The following SLC7A2 variants were observed in gnomAD, a reference collection of about 807,000 sequenced individuals.
The protein encoded by SLC7A2 is cationic amino acid transporter 2.
Under a neutral mutation model 58.9 loss-of-function variants are expected in SLC7A2, and 48 were observed. The ratio of observed to expected loss-of-function variants is 0.82; its 90% CI spans 0.65 to 1.04. SLC7A2 has a LOEUF of 1.04. SLC7A2 is among the 50% of genes least tolerant of loss of function. The probability of loss-of-function intolerance (pLI) is 0.00; values close to 1 mark genes in which losing one functional copy is unlikely to be tolerated. For synonymous variants in SLC7A2, 363 were observed against 314.5 expected (o/e 1.15, Z -1.63); for missense variants, 1,029 against 818.8 (o/e 1.26, Z -3.13).
intron 2 of SLC7A2, among the ~76,000 whole-genome samples, chr8:17,541,790 C>T (rs538227489): frequency 1.8e-4 from 28 of 151,994 alleles, no homozygotes; most frequent in Non-Finnish European, 3.7e-4. Flanking sequence ...CAGAGAAGAA[C>T]CCACCATCTA....
chr8:17,542,235 G>A (rs182489754), intron 2 of SLC7A2, among the ~76,000 whole-genome samples: 1 of 152,274 alleles, frequency 6.6e-6, no homozygotes, highest in East Asian at 1.9e-4. Flanking sequence ...TGTAGAATAC[G>A]TAATGATTAA....
At chr8:17,512,066 C>G (rs893669904) in intron 2 of SLC7A2, among the ~76,000 whole-genome samples, 2 of 152,176 alleles carry the variant, frequency 1.3e-5, no homozygotes, top group Non-Finnish European at 2.9e-5. Context: ...TTCTGGAGCA[C>G]AGAACTTCTC....
At chr8:17,562,283 G>A (rs1278718035) in intron 11 of SLC7A2, among the ~76,000 whole-genome samples, 173 bp downstream of exon 11, 1 of 138,674 alleles carries the variant, frequency 7.2e-6, no homozygotes, top group Non-Finnish European at 1.5e-5. Flanking sequence ...TTGGCTCACT[G>A]CAACTTTTGC....
At chr8:17,543,836 T>G (rs1202109060) in intron 3 of SLC7A2, 121 bp downstream of exon 3, 1 of 872,622 alleles carries the variant, frequency 1.1e-6, no homozygotes, top group African/African-American at 1.8e-5. Flanking sequence ...GTCTCATTTT[T>G]GTCATCTCGA....
rs1802393552 is a variant in SLC7A2 at position 17,550,432 on chromosome 8, C to T, written c.830C>T (p.Thr277Ile). The T allele has an allele frequency of 6.2e-7, 1 of 1,612,900 alleles. No homozygotes were observed. Among genetic ancestry groups the T allele is most frequent in the Non-Finnish European group, 8.5e-7 (1 of 1,179,460 alleles). The change falls in exon 6 of 13, where the codon ACT becomes ATT. Residue 277 changes from threonine to isoleucine, a missense_variant and splice_region_variant. Physicochemically the swap from Thr to Ile is moderately conservative, Grantham distance 89. Transcript: ENST00000494857. ...AFVGFDCIATTGEEVRNPQKA... is the reference protein window; with the variant it reads ...AFVGFDCIATIGEEVRNPQKA... ...GTGGGATTTGACTGCATTGCAACAA[C>T]TGGTAAGAGCAGTGTCTTGGCTCAG...
At chr8:17,497,905 T>A (rs2150630553) in intron 1 of SLC7A2, among the ~76,000 whole-genome samples, 1 of 152,264 alleles carries the variant, frequency 6.6e-6, no homozygotes, top group East Asian at 1.9e-4. Flanking sequence ...TTAGAGAATC[T>A]CCCAACCCAT....
At chr8:17,524,725 G>A (rs1375214798) in intron 2 of SLC7A2, among the ~76,000 whole-genome samples, 1 of 152,088 alleles carries the variant, frequency 6.6e-6, no homozygotes, top group Non-Finnish European at 1.5e-5. Flanking sequence ...CTCGGGTGAT[G>A]GGTGCACCTG....
chr8:17,517,644 T>C (rs1858711), intron 2 of SLC7A2, among the ~76,000 whole-genome samples: 6,599 of 152,104 alleles, frequency 0.043, 159 homozygotes, highest in Middle Eastern at 0.068. Flanking sequence ...ACATTGATTT[T>C]CCCGTATTGC....
At chr8:17,543,232 A>G (rs1801996015) in intron 2 of SLC7A2, 86 bp from the exon 3 acceptor site, 2 of 1,221,830 alleles carry the variant, frequency 1.6e-6, no homozygotes, top group Non-Finnish European at 2.3e-6. Flanking sequence ...ACACACACAC[A>G]TACTCTAATT....
At chr8:17,533,475 C>T (rs1046372013) in intron 2 of SLC7A2, among the ~76,000 whole-genome samples, 1 of 152,112 alleles carries the variant, frequency 6.6e-6, no homozygotes, top group African/African-American at 2.4e-5. Context: ...TTTTGCCTAG[C>T]ATTGAGACAA....
chr8:17,519,114 G>C (rs1800915187), intron 2 of SLC7A2, among the ~76,000 whole-genome samples: 1 of 152,104 alleles, frequency 6.6e-6, no homozygotes, highest in Admixed American at 6.6e-5. Flanking sequence ...AACTTCATAG[G>C]AATTTTGGGG....
At chr8:17,530,971 C>T (rs1002611309) in intron 2 of SLC7A2, among the ~76,000 whole-genome samples, 2 of 152,086 alleles carry the variant, frequency 1.3e-5, no homozygotes, top group African/African-American at 4.8e-5. Context: ...GCTGATATTT[C>T]TAAATATTTC....
At position 17,543,549 on chromosome 8, in the gene SLC7A2, G is replaced by A. The variant is rs141387723; in HGVS notation, c.210G>A (p.Val70=). 147 of 1,612,332 alleles carry A rather than the reference G, an allele frequency of 9.1e-5. No homozygotes were observed. In the African/African-American group the frequency reaches 1.6e-3, roughly 18 times the overall value. ...AKADSGPSIV[V]SFLIAALASV... ...CAGACTCGGGCCCCAGCATCGTGGTGTCCTTCCTCATTGCTGCCCTGGCTT... is the reference window on the plus strand; with the variant it reads ...CAGACTCGGGCCCCAGCATCGTGGTATCCTTCCTCATTGCTGCCCTGGCTT... The change falls in exon 3 of 13, where the codon GTG becomes GTA. Residue 70 remains valine, a synonymous_variant. Coordinates refer to ENST00000494857, the MANE Select transcript of SLC7A2 (RefSeq NM_001370338.1).
At position 17,555,036 on chromosome 8, in the gene SLC7A2, G is replaced by C. The variant is rs200370343; in HGVS notation, c.1195+337G>C. 1.4e-4 allele frequency: 230 copies of C among 1,614,024 alleles called. 1 individual carries two copies. The East Asian group carries it at 5.0e-3, about 35-fold the overall frequency. On this transcript the variant is annotated intron_variant, in intron 8 of 12. Transcript: ENST00000494857. ...TTAGATTTCTTGCCAGAGTGAGTAA[G>C]AGGCAGTCACCAGTTGCTGCCACGT...
intron 2 of SLC7A2, among the ~76,000 whole-genome samples, chr8:17,532,608 T>C (rs981353623): frequency 4.6e-5 from 7 of 152,080 alleles, no homozygotes; most frequent in Non-Finnish European, 7.3e-5. Context: ...TCTATGCAGT[T>C]AATATAAAAA....
In SLC7A2 at chr8:17,543,703, T is replaced by G; in HGVS notation, c.364T>G (p.Ser122Ala). 1 of 1,517,766 alleles carries G rather than the reference T, an allele frequency of 6.6e-7. No individual in the cohort carries two copies. The highest frequency in any genetic ancestry group is 8.8e-7 in the Non-Finnish European group (1 of 1,133,968). 94.0% of individuals were successfully genotyped at this position (1,517,766 alleles called of 1,614,324 possible). The change falls in exon 3 of 13, where the codon TCG (serine) becomes GCG (alanine). Residue 122 changes from serine (S) to alanine (A), a missense_variant. Coordinates refer to ENST00000494857, the MANE Select transcript of SLC7A2 (RefSeq NM_001370338.1). The stretch of plus-strand genomic sequence containing the variant: ...CATCACTGGCTGGAATCTCATTTTA[T>G]CGTATGTGATAGGTATGTTTCAAAA... ...AFITGWNLIL[S>A]YVIGTSSVAR... is the part of the protein sequence containing the mutation.
upstream of SLC7A2, among the ~76,000 whole-genome samples, chr8:17,495,289 C>G (rs558692646): frequency 7.8e-4 from 119 of 152,040 alleles, no homozygotes; most frequent in Non-Finnish European, 1.4e-3. Context: ...GACCAGATTA[C>G]TCACCCTTAA....
intron 4 of SLC7A2, among the ~76,000 whole-genome samples, chr8:17,548,148 C>T (rs548301864): frequency 1.3e-5 from 2 of 152,200 alleles, no homozygotes; most frequent in South Asian, 2.1e-4. Context: ...CTAGACTAGC[C>T]TGGCCAGCAT....
Position 17,567,207 on chromosome 8 carries a change from A to T in SLC7A2, c.*2061A>T, listed in dbSNP as rs183751914. 4.6e-5 allele frequency: 7 copies of T among 152,700 alleles called. No individual in the cohort carries two copies. The highest frequency in any genetic ancestry group is 1.3e-4 in the Admixed American group (2 of 15,296). The allele number at this position is 152,700 out of a possible 1,614,324, so 9.5% of individuals were successfully genotyped here. A position where few individuals can be genotyped will look rare whatever the true frequency, so the allele number is the denominator to read the frequency against. ...TTTGGTAGGGACTGTAGGCATGCTCATAAATCCTTGCTGTTGTCACAGTAC... is the reference window on the plus strand; with the variant it reads ...TTTGGTAGGGACTGTAGGCATGCTCTTAAATCCTTGCTGTTGTCACAGTAC... On this transcript the variant is annotated 3_prime_UTR_variant, in exon 13 of 13. Coordinates refer to ENST00000494857, the MANE Select transcript of SLC7A2 (RefSeq NM_001370338.1).
Sources: gnomAD v4.1 joint callset for allele counts (sites outside exome capture counted in the v4.1 genomes callset) on GRCh38, gnomAD v4.1.1 for gene constraint, MANE v1.5 for transcripts, NCBI Gene and HGNC (gene_info 2026-07-23, HGNC 2026-07-21) for gene names.